XYLT1: variants seen among roughly 807,000 people sequenced by gnomAD.
XYLT1 encodes the protein xylosyltransferase 1.
In XYLT1, 36 loss-of-function variants were observed where a neutral mutation model predicts 91.3. The observed-to-expected ratio is 0.39, with a 90% CI of 0.30 to 0.52. The LOEUF is 0.52. XYLT1 is among the 20% of genes least tolerant of loss of function. The probability of loss-of-function intolerance (pLI) is 0.68; values close to 1 mark genes in which losing one functional copy is unlikely to be tolerated. For synonymous variants in XYLT1, 588 were observed against 532.0 expected, an observed-to-expected ratio of 1.11 and a Z score of -1.45; for missense variants, 1,242 against 1,284.5, an observed-to-expected ratio of 0.97 and a Z score of 0.51.
intron 8 of XYLT1, 45 bp from the exon 9 acceptor site, chr16:17,134,780 CTGGGGGT>C (rs780671352): frequency 6.2e-7 from 1 of 1,604,152 alleles, no homozygotes; most frequent in Non-Finnish European, 8.5e-7. Context: ...TCAGCGAGTG[CTGGGGGT>C]TGGGGGGAAC....
intron 2 of XYLT1, among the ~76,000 whole-genome samples, chr16:17,274,060 C>G (rs777450655): frequency 1.3e-5 from 2 of 151,506 alleles, no homozygotes; most frequent in Non-Finnish European, 2.9e-5. Context: ...TACAGGTGCA[C>G]GTCACCATGC....
intron 10 of XYLT1, among the ~76,000 whole-genome samples, chr16:17,125,096 T>C (rs1043600865): frequency 6.6e-6 from 1 of 152,186 alleles, no homozygotes; most frequent in African/African-American, 2.4e-5. Context: ...AATTCAGAGA[T>C]TTCTTCTTGA....
At chr16:17,422,268 A>T (rs533387329) in intron 1 of XYLT1, among the ~76,000 whole-genome samples, 3 of 149,262 alleles carry the variant, frequency 2.0e-5, no homozygotes, top group African/African-American at 7.4e-5. Flanking sequence ...ATGATCATAG[A>T]TCACTACAGC....
chr16:17,357,706 C>T (rs989373808), intron 2 of XYLT1, among the ~76,000 whole-genome samples: 3 of 152,162 alleles, frequency 2.0e-5, no homozygotes, highest in Admixed American at 6.5e-5. Context: ...CATGAACCTC[C>T]GCATGATGGT....
intron 3 of XYLT1, among the ~76,000 whole-genome samples, chr16:17,245,617 C>T (rs1028142371): frequency 1.3e-5 from 2 of 152,104 alleles, no homozygotes; most frequent in Non-Finnish European, 2.9e-5. Flanking sequence ...GATGTTCTTC[C>T]TACATATGTT....
chr16:17,374,735 G>C (rs2035575921), intron 1 of XYLT1, among the ~76,000 whole-genome samples: 2 of 151,870 alleles, frequency 1.3e-5, no homozygotes, highest in South Asian at 4.1e-4. Flanking sequence ...AATCAATCTA[G>C]GTTAGAAAAC....
At chr16:17,243,005 C>G (rs2033371512) in intron 3 of XYLT1, among the ~76,000 whole-genome samples, 1 of 152,134 alleles carries the variant, frequency 6.6e-6, no homozygotes, top group Non-Finnish European at 1.5e-5. Context: ...TTTTGTTTAT[C>G]CTTTCATCTG....
chr16:17,284,744 T>C (rs2034108864), intron 2 of XYLT1, among the ~76,000 whole-genome samples: 1 of 152,190 alleles, frequency 6.6e-6, no homozygotes, highest in Non-Finnish European at 1.5e-5. Flanking sequence ...ACTACACCAC[T>C]ACACTACAGC....
Position 17,117,708 on chromosome 16 carries a change from A to C in XYLT1, c.2495T>G (p.Val832Gly). ...CGCAACGAGGAATTTGGTCTCTGCA[A>C]CTGGCACCCAGTGGTGGAGAATTTT... is the stretch of plus-strand genomic sequence containing the variant. Reference protein sequence around the residue: ...TVKILHHWVPVAETKFLVAPL... With the variant: ...TVKILHHWVPGAETKFLVAPL... The change falls in exon 11 of 12, where the codon GTT (valine) becomes GGT (glycine). Residue 832 changes from valine (V) to glycine (G), a missense_variant. This residue lies in a region of XYLT1 where 511 missense variants were observed against 497.0 expected (regional missense o/e 1.03). Transcript: ENST00000261381. The C allele has an allele frequency of 6.2e-7, 1 of 1,614,196 alleles. No homozygotes were observed. Among genetic ancestry groups the C allele is most frequent in the South Asian group, 1.1e-5 (1 of 91,080 alleles).
intron 1 of XYLT1, among the ~76,000 whole-genome samples, chr16:17,442,946 T>C (rs1036374943): frequency 1.3e-5 from 2 of 152,162 alleles, no homozygotes; most frequent in African/African-American, 4.8e-5. Flanking sequence ...GTTACTTTAA[T>C]CAGCAAAGAT....
At chr16:17,423,817 T>C (rs2036278436) in intron 1 of XYLT1, among the ~76,000 whole-genome samples, 1 of 152,114 alleles carries the variant, frequency 6.6e-6, no homozygotes, top group African/African-American at 2.4e-5. Context: ...GGTTTTACCA[T>C]GTTGGCCAGG....
At chr16:17,306,240 C>T (rs1411180139) in intron 2 of XYLT1, among the ~76,000 whole-genome samples, 1 of 152,004 alleles carries the variant, frequency 6.6e-6, no homozygotes, top group East Asian at 1.9e-4. Context: ...GGAAAAAGAA[C>T]AAGAGAATAG....
intron 2 of XYLT1, among the ~76,000 whole-genome samples, chr16:17,306,555 A>AATAT (rs2034473518): frequency 8.5e-6 from 1 of 117,612 alleles, no homozygotes; most frequent in Admixed American, 8.4e-5. Context: ...ACTGTCACAA[A>AATAT]AGATATATAT....
At chr16:17,378,127 G>A (rs1418866881) in intron 1 of XYLT1, among the ~76,000 whole-genome samples, 2 of 78,374 alleles carry the variant, frequency 2.6e-5, no homozygotes, top group Admixed American at 2.2e-4. Context: ...ATAAATGTTC[G>A]AGAATGAAAC....
intron 1 of XYLT1, among the ~76,000 whole-genome samples, chr16:17,406,541 G>A (rs2036035196): frequency 6.6e-6 from 1 of 152,202 alleles, no homozygotes; most frequent in African/African-American, 2.4e-5. Flanking sequence ...TAAGAAATTG[G>A]GAAAGAGAGC....
At position 17,198,395 on chromosome 16, in the gene XYLT1, C is replaced by T. The variant is rs772060292; in HGVS notation, c.1106G>A (p.Arg369Gln). The part of the protein sequence containing the change: ...HVDKRSNYLH[R>Q]QVLQVSRQYS... ...CTGCCTGGAGACCTGGAGCACTTGCCGATGCAGGTAATTAGAGCGCTTTTC... is the reference window on the plus strand; with the variant it reads ...CTGCCTGGAGACCTGGAGCACTTGCTGATGCAGGTAATTAGAGCGCTTTTC... Residue 369 changes from arginine (R) to glutamine (Q), a missense_variant, in exon 5 of 12, where the codon CGG becomes CAG. Coordinates refer to ENST00000261381, the MANE Select transcript of XYLT1 (RefSeq NM_022166.4). 5.0e-6 allele frequency: 8 copies of T among 1,613,970 alleles called. No individual in the cohort carries two copies. Among genetic ancestry groups the T allele is most frequent in the South Asian group, 4.4e-5 (4 of 91,080 alleles).
intron 2 of XYLT1, among the ~76,000 whole-genome samples, chr16:17,332,713 C>G (rs2034920348): frequency 6.6e-6 from 1 of 152,140 alleles, no homozygotes; most frequent in Admixed American, 6.5e-5. Flanking sequence ...CAGGTGGACA[C>G]TGGTCAGTTT....
chr16:17,253,125 T>C (rs2033568592), intron 3 of XYLT1, among the ~76,000 whole-genome samples: 1 of 152,204 alleles, frequency 6.6e-6, no homozygotes, highest in Non-Finnish European at 1.5e-5. Flanking sequence ...AATTACATCT[T>C]AGCTTTCTGC....
chr16:17,446,558 C>T (rs769226150), intron 1 of XYLT1, among the ~76,000 whole-genome samples: 2 of 152,130 alleles, frequency 1.3e-5, no homozygotes, highest in Non-Finnish European at 2.9e-5. Flanking sequence ...AATGGCTCAA[C>T]AAGCCCCAGA....
Sources: gnomAD v4.1 joint callset for allele counts (sites outside exome capture counted in the v4.1 genomes callset) on GRCh38, gnomAD v4.1.1 for gene constraint, gnomAD v4.1.1 regional missense constraint, MANE v1.5 for transcripts, NCBI Gene and HGNC (gene_info 2026-07-23, HGNC 2026-07-21) for gene names.